SOX5: variants seen among roughly 807,000 people sequenced by gnomAD.
SOX5 encodes the protein SRY-box transcription factor 5.
A neutral mutation model predicts 92.0 loss-of-function variants in SOX5; 9 were observed. The observed-to-expected ratio is 0.10, with a 90% confidence interval of 0.06 to 0.17. The LOEUF is 0.17. SOX5 is among the 10% of genes least tolerant of loss of function. The pLI is 1.00. For missense variants in SOX5, 642 were observed against 944.5 expected (o/e 0.68, Z 4.20); for synonymous variants, 344 against 336.3 (o/e 1.02, Z -0.25).
intron 9 of SOX5, among the ~76,000 whole-genome samples, chr12:23,600,324 T>C (rs1239190209): frequency 1.3e-5 from 2 of 151,732 alleles, no homozygotes; most frequent in African/African-American, 4.8e-5. Context: ...CTAAACATAT[T>C]CGCTTTTGTG....
chr12:23,884,725 AG>A (rs2097043446), intron 2 of SOX5, among the ~76,000 whole-genome samples: 1 of 152,220 alleles, frequency 6.6e-6, no homozygotes, highest in African/African-American at 2.4e-5. Flanking sequence ...TTTATTTATT[AG>A]GCAAGTCATT....
At chr12:23,751,060 C>T (rs1238757139) in intron 4 of SOX5, among the ~76,000 whole-genome samples, 1 of 151,840 alleles carries the variant, frequency 6.6e-6, no homozygotes, top group Non-Finnish European at 1.5e-5. Context: ...AAAGTGAAAA[C>T]ATTACTCATA....
intron 1 of SOX5, among the ~76,000 whole-genome samples, chr12:24,513,771 C>G: frequency 6.6e-6 from 1 of 152,176 alleles, no homozygotes; most frequent in African/African-American, 2.4e-5. Context: ...CTCACAGTGT[C>G]ACAATAAGTT....
chr12:23,536,770 C>T, intron 13 of SOX5, 101 bp from the exon 14 acceptor site: 2 of 895,082 alleles, frequency 2.2e-6, no homozygotes, highest in Non-Finnish European at 3.7e-6. Context: ...AGATGTTAGC[C>T]AAAACCCAGA....
chr12:23,925,657 G>A (rs1030123597), intron 1 of SOX5, among the ~76,000 whole-genome samples: 4 of 151,982 alleles, frequency 2.6e-5, no homozygotes, highest in Non-Finnish European at 5.9e-5. Flanking sequence ...GTTTGAGGCT[G>A]AATATTCTAG....
chr12:24,552,575 G>A (rs1366548551), intron 1 of SOX5, among the ~76,000 whole-genome samples: 1 of 152,198 alleles, frequency 6.6e-6, no homozygotes, highest in Non-Finnish European at 1.5e-5. Flanking sequence ...CAGTTTTTAC[G>A]TATTCAGAAT....
chr12:24,327,432 T>TTTTTTTG (rs1950833837), intron 2 of SOX5, among the ~76,000 whole-genome samples: 2 of 113,712 alleles, frequency 1.8e-5, no homozygotes, highest in Non-Finnish European at 3.6e-5. Context: ...TTTTTTTTTT[T>TTTTTTTG]GAGATGGAGT....
chr12:24,375,431 G>A (rs1399232753), intron 1 of SOX5, among the ~76,000 whole-genome samples: 3 of 152,020 alleles, frequency 2.0e-5, no homozygotes, highest in Non-Finnish European at 4.4e-5. Context: ...CCAGTAAGGT[G>A]AGGGGTCAGA....
At chr12:23,903,230 C>T (rs1433397076) in intron 1 of SOX5, among the ~76,000 whole-genome samples, 1 of 152,068 alleles carries the variant, frequency 6.6e-6, no homozygotes, top group Admixed American at 6.6e-5. Flanking sequence ...TAGATGATAT[C>T]TCACTAATCA....
chr12:24,359,384 A>T (rs1373350799), intron 2 of SOX5, among the ~76,000 whole-genome samples: 1 of 152,216 alleles, frequency 6.6e-6, no homozygotes, highest in Non-Finnish European at 1.5e-5. Context: ...GTTAGGACAC[A>T]CACCACAGGA....
chr12:24,106,147 G>C (rs1418648722), intron 4 of SOX5, among the ~76,000 whole-genome samples: 2 of 150,276 alleles, frequency 1.3e-5, no homozygotes, highest in East Asian at 3.9e-4. Context: ...CAAGGAATGA[G>C]AGACTATATT....
chr12:24,044,015 T>C (rs1956773341), intron 4 of SOX5, among the ~76,000 whole-genome samples: 1 of 152,198 alleles, frequency 6.6e-6, no homozygotes, highest in African/African-American at 2.4e-5. Context: ...AGACCTAATA[T>C]ATAGTAAATA....
rs543108238 is a variant in SOX5, at chr12:23,618,623, T to C, written c.1018-14090A>G. The stretch of plus-strand genomic sequence containing the variant: ...CATGACTACGATATGTTAATCATTT[T>C]GCTAGAAGCTTGCATACTATTTCAG... On this transcript the variant is annotated intron_variant, in intron 8 of 14. Coordinates refer to ENST00000451604, the MANE Select transcript of SOX5 (RefSeq NM_006940.6). 3.3e-5 allele frequency among the ~76,000 whole-genome samples: 5 copies of C among 152,306 alleles called. No homozygotes were observed. The East Asian group carries it at 9.7e-4, about 29-fold the overall frequency.
At chr12:24,331,063 TG>T (rs1451981380) in intron 2 of SOX5, among the ~76,000 whole-genome samples, 3 of 152,068 alleles carry the variant, frequency 2.0e-5, no homozygotes, top group Non-Finnish European at 4.4e-5. Context: ...AAGTAAGTAG[TG>T]GGACAGAAAA....
At chr12:23,825,555 T>G (rs114846784) in intron 3 of SOX5, among the ~76,000 whole-genome samples, 1,544 of 152,308 alleles carry the variant, frequency 0.01, 35 homozygotes, top group African/African-American at 0.036. Context: ...ATTTTTATTT[T>G]ATATGTATGT....
intron 4 of SOX5, among the ~76,000 whole-genome samples, chr12:23,963,648 G>A (rs1947211340): frequency 6.6e-6 from 1 of 151,346 alleles, no homozygotes; most frequent in African/African-American, 2.4e-5. Flanking sequence ...CATGCATGCA[G>A]GCATGCATGA....
At chr12:24,468,692 T>A (rs1054117410) in intron 1 of SOX5, among the ~76,000 whole-genome samples, 1 of 152,238 alleles carries the variant, frequency 6.6e-6, no homozygotes, top group South Asian at 2.1e-4. Flanking sequence ...TTTTTTACTA[T>A]ATGTCTGTGG....
chr12:24,482,973 CAT>C (rs1946158951), intron 1 of SOX5, among the ~76,000 whole-genome samples: 2 of 152,074 alleles, frequency 1.3e-5, no homozygotes, highest in Admixed American at 1.3e-4. Flanking sequence ...TAAATATAAA[CAT>C]ATGTGTAAAA....
At chr12:23,845,956 A>C in intron 3 of SOX5, 27 bp downstream of exon 3, 1 of 1,560,830 alleles carries the variant, frequency 6.4e-7, no homozygotes, top group Non-Finnish European at 8.8e-7. Context: ...ACACAGCATC[A>C]ACTTTGTTTT....
Sources: allele counts gnomAD v4.1 joint callset (sites outside exome capture counted in the v4.1 genomes callset), GRCh38; gene constraint gnomAD v4.1.1; transcripts MANE v1.5; gene names NCBI Gene and HGNC (gene_info 2026-07-23, HGNC 2026-07-21).